Variants in FXYD6 observed in about 807,000 individuals in gnomAD.
FXYD6 encodes the protein FXYD domain containing ion transport regulator 6.
FXYD6 carries 7 observed loss-of-function variants against 16.7 expected under a neutral mutation model. That is an observed-to-expected ratio of 0.42 (90% CI 0.24 to 0.79). The LOEUF is 0.79. Among genes scored for constraint, FXYD6 ranks in the 30% least tolerant of loss-of-function variants. FXYD6 has a pLI of 0.28. For synonymous variants in FXYD6, 49 were observed against 43.0 expected (o/e 1.14, Z -0.54); for missense variants, 111 against 116.2 (o/e 0.95, Z 0.21).
chr11:117,855,394 C>T (rs529645634), intron 1 of FXYD6, among the ~76,000 whole-genome samples: 21 of 152,262 alleles, frequency 1.4e-4, no homozygotes, highest in African/African-American at 4.1e-4. Flanking sequence ...ATCGGTGGTA[C>T]GTTGGCACTG....
chr11:117,847,722 C>T (rs1027876593), intron 1 of FXYD6, among the ~76,000 whole-genome samples: 2 of 152,114 alleles, frequency 1.3e-5, no homozygotes, highest in Non-Finnish European at 2.9e-5. Flanking sequence ...GCATAGTATT[C>T]CATGGCATAT....
At chr11:117,856,693 T>TA (rs2056736037) in intron 1 of FXYD6, among the ~76,000 whole-genome samples, 1 of 152,070 alleles carries the variant, frequency 6.6e-6, no homozygotes, top group African/African-American at 2.4e-5. Flanking sequence ...AGAAGTCTAT[T>TA]AAAAAAAGAT....
chr11:117,854,456 G>A (rs1201823120), intron 1 of FXYD6, among the ~76,000 whole-genome samples: 2 of 152,190 alleles, frequency 1.3e-5, no homozygotes, highest in Admixed American at 6.5e-5. Context: ...CTCCATTGAT[G>A]CTCAGGTTCA....
intron 1 of FXYD6, among the ~76,000 whole-genome samples, chr11:117,863,549 G>T (rs902254758): frequency 2.0e-5 from 3 of 150,758 alleles, no homozygotes; most frequent in Non-Finnish European, 4.4e-5. Context: ...CTAACATCAG[G>T]AACAAGGCAA....
intron 5 of FXYD6, 61 bp downstream of exon 5, chr11:117,841,087 G>A: frequency 1.2e-6 from 2 of 1,604,896 alleles, no homozygotes; most frequent in South Asian, 1.1e-5. Flanking sequence ...TCACACACCA[G>A]GGGTCCCTTC....
At chr11:117,840,102 G>A (rs2056304086) in intron 6 of FXYD6, 1 of 655,806 alleles carries the variant, frequency 1.5e-6, no homozygotes, top group Non-Finnish European at 2.7e-6. Context: ...GTCTGTGCCT[G>A]GCACAAGCAG....
At chr11:117,841,122 C>CA in intron 5 of FXYD6, 26 bp downstream of exon 5, 1 of 1,613,976 alleles carries the variant, frequency 6.2e-7, no homozygotes, top group Non-Finnish European at 8.5e-7. Context: ...ATCACCCCCC[C>CA]AAGGCCACTG....
At chr11:117,847,034 G>T (rs529220952) in intron 1 of FXYD6, among the ~76,000 whole-genome samples, 19 of 152,136 alleles carry the variant, frequency 1.2e-4, no homozygotes, top group African/African-American at 4.1e-4. Flanking sequence ...ATTTGTTTAG[G>T]TCCTTTTCAA....
At chr11:117,859,094 ACC>A (rs1200602449) in intron 1 of FXYD6, among the ~76,000 whole-genome samples, 2 of 149,814 alleles carry the variant, frequency 1.3e-5, no homozygotes, top group South Asian at 4.4e-4. Context: ...GTCATTTTCA[ACC>A]CCTTCTGGGA....
chr11:117,861,485 T>C (rs771838505), intron 1 of FXYD6, among the ~76,000 whole-genome samples: 13 of 152,334 alleles, frequency 8.5e-5, no homozygotes, highest in South Asian at 4.1e-4. Context: ...TGTAAACTGA[T>C]ACCCCTGCTT....
intron 1 of FXYD6, among the ~76,000 whole-genome samples, chr11:117,850,676 T>G (rs943046493): frequency 6.6e-5 from 10 of 152,252 alleles, no homozygotes; most frequent in African/African-American, 9.6e-5. Context: ...TTTATTTTTT[T>G]GGGGGGCGGT....
rs2056822035 is a variant in FXYD6 at position 117,858,719 on chromosome 11, C to CT, written c.-5-15939_-5-15938insA. On this transcript the variant is annotated intron_variant, in intron 1 of 7. Coordinates refer to ENST00000526014, the MANE Select transcript of FXYD6 (RefSeq NM_022003.4). Reference sequence around the variant, plus strand: ...TCTTTCTTTCTCTCTCTCTCTCCTTCCTTCCCTTCCTTCCTTCCTTCCTTC... The same window carrying CT: ...TCTTTCTTTCTCTCTCTCTCTCCTTCTCTTCCCTTCCTTCCTTCCTTCCTTC... 2.1e-4 allele frequency among the ~76,000 whole-genome samples: 21 copies of CT among 99,972 alleles called. 3 individuals are homozygous for CT. The Admixed American group carries it at 2.2e-3, about 11-fold the overall frequency. The allele number at this position is 99,972 out of a possible 152,430, so 65.6% of individuals were successfully genotyped here. A position where few individuals can be genotyped will look rare whatever the true frequency, so the allele number is the denominator to read the frequency against.
At position 117,841,157 on chromosome 11, in the gene FXYD6, T is replaced by C. The variant is rs2056333704; in HGVS notation, c.200A>G (p.Gln67Arg). 1 of 1,614,006 alleles carries C rather than the reference T, an allele frequency of 6.2e-7. No individual in the cohort carries two copies. The highest frequency in any genetic ancestry group is 8.5e-7 in the Non-Finnish European group (1 of 1,180,028). The change falls in exon 5 of 8, where the codon CAG becomes CGG. Residue 67 changes from glutamine (Q) to arginine (R), a missense_variant. Gln to Arg is a conservative substitution (Grantham distance 43). Coordinates refer to ENST00000526014, the MANE Select transcript of FXYD6 (RefSeq NM_022003.4). The stretch of plus-strand genomic sequence containing the variant: ...GCCACGGCATCCTTACCGGGGCTTC[T>C]GATTGAAACTGCACTTGCACCTGCG... ...LSRRCKCSFNQKPRAPGDEEA... is the reference protein window; with the variant it reads ...LSRRCKCSFNRKPRAPGDEEA...
chr11:117,858,068 T>G (rs2056775246), intron 1 of FXYD6: 1 of 152,204 alleles, frequency 6.6e-6, no homozygotes, highest in Admixed American at 6.5e-5. Flanking sequence ...CAGAGAGGCC[T>G]CAGTACTGGA....
At position 117,861,614 on chromosome 11, in the gene FXYD6, C is replaced by G. The variant is rs79995046; in HGVS notation, c.-6+14978G>C. On this transcript the variant is annotated intron_variant, in intron 1 of 7. Transcript: ENST00000526014. The stretch of plus-strand genomic sequence containing the variant: ...CTGGTGAAGCATCACCTGTTAGTAT[C>G]ATTACTGTATCACTGCCCAACTCTG... 8.3e-3 allele frequency among the ~76,000 whole-genome samples: 1,270 copies of G among 152,356 alleles called. 20 individuals carry two copies. Among genetic ancestry groups the G allele is most frequent in the African/African-American group, 0.029 (1,204 of 41,576 alleles).
At chr11:117,862,641 A>T (rs2134190478) in intron 1 of FXYD6, among the ~76,000 whole-genome samples, 1 of 152,294 alleles carries the variant, frequency 6.6e-6, no homozygotes, top group Middle Eastern at 3.4e-3. Context: ...CACCAAGGTC[A>T]TTCAAGGAGA....
chr11:117,840,444 TG>T, intron 5 of FXYD6, 76 bp from the exon 6 acceptor site: 1 of 1,593,176 alleles, frequency 6.3e-7, no homozygotes, highest in Non-Finnish European at 8.6e-7. Flanking sequence ...TGCTCCTCAC[TG>T]GGGCACAGCT....
chr11:117,839,494 T>TC lies in FXYD6; in HGVS notation c.*21+286dup, dbSNP rs371462308. 429 of 430,598 alleles carry TC rather than the reference T, an allele frequency of 1.0e-3. 5 individuals carry two copies. The highest frequency in any genetic ancestry group is 7.7e-3 in the African/African-American group (396 of 51,252). 26.7% of individuals were successfully genotyped at this position (430,598 alleles called of 1,614,324 possible). On this transcript the variant is annotated intron_variant, in intron 7 of 7. Transcript: ENST00000526014. ...AGGAGCATTTCACTAACTCTAATTC[T>TC]CCCATGTTGCACTTGGGATGACGCC... is the stretch of plus-strand genomic sequence containing the variant.
intron 1 of FXYD6, among the ~76,000 whole-genome samples, chr11:117,849,869 GA>G (rs907057029): frequency 2.3e-4 from 35 of 152,110 alleles, no homozygotes; most frequent in African/African-American, 8.0e-4. Flanking sequence ...TGTTTTTCAG[GA>G]ATTTGGGCTA....
Sources: allele counts gnomAD v4.1 joint callset (sites outside exome capture counted in the v4.1 genomes callset), GRCh38; gene constraint gnomAD v4.1.1; transcripts MANE v1.5; gene names NCBI Gene and HGNC (gene_info 2026-07-23, HGNC 2026-07-21).